Variants in GALK1 observed in about 807,000 individuals in gnomAD.
GALK1 encodes the protein galactokinase.
Under a neutral mutation model 38.6 loss-of-function variants are expected in GALK1, and 30 were observed. That is an observed-to-expected ratio of 0.78 (90% confidence interval 0.58 to 1.05). The LOEUF (loss-of-function observed/expected upper bound fraction) is 1.05. Among genes scored for constraint, GALK1 ranks in the 50% least tolerant of loss-of-function variants. GALK1 has a pLI of 0.00. For missense variants in GALK1, 512 were observed against 540.5 expected, an observed-to-expected ratio of 0.95 and a Z score of 0.52; for synonymous variants, 240 against 233.6, an observed-to-expected ratio of 1.03 and a Z score of -0.25.
downstream of GALK1, among the ~76,000 whole-genome samples, chr17:75,753,090 T>C (rs141859331): frequency 6.6e-6 from 1 of 152,244 alleles, no homozygotes; most frequent in Non-Finnish European, 1.5e-5. Flanking sequence ...GAATCACTCA[T>C]CCTTTCCATG....
intron 1 of GALK1, 45 bp from the exon 2 acceptor site, chr17:75,764,131 G>GT: frequency 1.3e-6 from 2 of 1,523,364 alleles, no homozygotes; most frequent in Non-Finnish European, 1.8e-6. Context: ...GCCAGCTGGA[G>GT]TAAGCCTCTC....
chr17:75,754,616 C>T (rs145760507), downstream of GALK1: 71 of 1,613,822 alleles, frequency 4.4e-5, no homozygotes, highest in Non-Finnish European at 5.6e-5. Context: ...CCTTCCCGGG[C>T]AGCACCAACT....
intron 5 of GALK1, among the ~76,000 whole-genome samples, chr17:75,760,494 T>C (rs571139781): frequency 1.3e-5 from 2 of 149,078 alleles, no homozygotes; most frequent in East Asian, 4.3e-4. Context: ...GTGTAGTGGC[T>C]CACGCCTGTG....
chr17:75,760,389 G>A (rs929019372), intron 5 of GALK1, among the ~76,000 whole-genome samples: 17 of 150,934 alleles, frequency 1.1e-4, no homozygotes, highest in African/African-American at 2.7e-4. Flanking sequence ...GTGAGCCACC[G>A]CACCCAGCCT....
At position 75,763,257 on chromosome 17, in the gene GALK1, G is replaced by A. The variant is rs2061595795; in HGVS notation, c.475+63C>T. ...ACCCCCTCCATAAGGCATAGTAGAAGCTGGGACCACCTGGAGACCTCAGGG... is the reference window on the plus strand; with the variant it reads ...ACCCCCTCCATAAGGCATAGTAGAAACTGGGACCACCTGGAGACCTCAGGG... On this transcript the variant is annotated intron_variant, in intron 3 of 7. Coordinates refer to ENST00000588479, the MANE Select transcript of GALK1 (RefSeq NM_000154.2). The A allele has an allele frequency of 3.1e-6, 5 of 1,613,032 alleles. No individual in the cohort carries two copies. In the Admixed American group the frequency reaches 6.7e-5, roughly 22 times the overall value.
At chr17:75,764,797 C>A in intron 1 of GALK1, 175 bp downstream of exon 1, 1 of 722,872 alleles carries the variant, frequency 1.4e-6, no homozygotes, top group Admixed American at 2.6e-5. Context: ...TTCCTCCCTT[C>A]CAACGTGGGG....
chr17:75,764,896 G>C (rs2061604109), intron 1 of GALK1, 76 bp downstream of exon 1: 3 of 1,502,054 alleles, frequency 2.0e-6, no homozygotes, highest in African/African-American at 2.8e-5. Flanking sequence ...CTCGCCCCCA[G>C]CGTCCCCGAG....
In GALK1 at chr17:75,758,375, G is replaced by A; in HGVS notation, c.945-3C>T. On this transcript the variant is annotated splice_region_variant and splice_polypyrimidine_tract_variant and intron_variant, in intron 6 of 7. Transcript: ENST00000588479. The stretch of plus-strand genomic sequence containing the variant: ...GGCAGCTCACCTCATAGTCGTCTCT[G>A]CAGAGAGGATATTGAAGGGGTGGGC... 1 of 1,587,706 alleles carries A rather than the reference G, an allele frequency of 6.3e-7. No individual in the cohort carries two copies. Among genetic ancestry groups the A allele is most frequent in the Non-Finnish European group, 8.6e-7 (1 of 1,167,716 alleles).
chr17:75,763,568 A>G (rs961407770), intron 2 of GALK1, 129 bp from the exon 3 acceptor site: 2 of 1,077,464 alleles, frequency 1.9e-6, no homozygotes, highest in Non-Finnish European at 2.7e-6. Context: ...CTCAATTGTC[A>G]GAAGCCACCA....
downstream of GALK1, chr17:75,757,592 C>T (rs1051554): frequency 3.1e-6 from 5 of 1,612,560 alleles, no homozygotes; most frequent in Middle Eastern, 1.6e-4. Context: ...TCCCACTAGG[C>T]GTCCTCCCGA....
chr17:75,757,686 G>A (rs1180305597), downstream of GALK1: 3 of 1,300,998 alleles, frequency 2.3e-6, no homozygotes, highest in East Asian at 4.7e-5. Flanking sequence ...CAGGGGCTAG[G>A]TGTCTCCTGG....
At chr17:75,756,469 C>G, downstream of GALK1, 1 of 1,613,372 alleles carries the variant, frequency 6.2e-7, no homozygotes, top group Non-Finnish European at 8.5e-7. Flanking sequence ...CTGCCCAGAC[C>G]TCGGTGGTGG....
intron 1 of GALK1, 26 bp downstream of exon 1, chr17:75,764,946 T>G: frequency 6.3e-7 from 1 of 1,597,562 alleles, no homozygotes; most frequent in Non-Finnish European, 8.5e-7. Flanking sequence ...GGCGGCGGGC[T>G]AGGGGCTCCC....
At chr17:75,757,347 G>C (rs781343909), downstream of GALK1, 2 of 1,612,684 alleles carry the variant, frequency 1.2e-6, no homozygotes, top group Admixed American at 3.3e-5. Context: ...GGCTCTCCTG[G>C]GACAGGGAGC....
rs1213596892 is a variant in GALK1, at chr17:75,763,122, T to C, written c.503A>G (p.Gln168Arg). 1 of 1,612,056 alleles carries C rather than the reference T, an allele frequency of 6.2e-7. No homozygotes were observed. The highest frequency in any genetic ancestry group is 1.1e-5 in the South Asian group (1 of 91,084). The change falls in exon 4 of 8, where the codon CAG (glutamine) becomes CGG (arginine). Residue 168 changes from glutamine to arginine, a missense_variant. Physicochemically the swap from Gln to Arg is conservative, Grantham distance 43. Coordinates refer to ENST00000588479, the MANE Select transcript of GALK1 (RefSeq NM_000154.2). ...PDSGTIAARA[Q>R]VCQQAEHSFA... ...GCTGTGCTCGGCCTGCTGACACACC[T>C]GGGCGCGGGCAGCTATTGTGCCCGA...
chr17:75,756,339 A>T, downstream of GALK1: 1 of 1,429,494 alleles, frequency 7.0e-7, no homozygotes, highest in Non-Finnish European at 9.8e-7. Context: ...GGTGATAACT[A>T]GGTCTCGATG....
chr17:75,762,589 G>T, intron 5 of GALK1, 115 bp downstream of exon 5: 1 of 1,112,962 alleles, frequency 9.0e-7, no homozygotes, highest in Non-Finnish European at 1.4e-6. Flanking sequence ...AAGGGACTGG[G>T]GAGAGCATGG....
chr17:75,764,772 C>T (rs1158357788), intron 1 of GALK1, 200 bp downstream of exon 1: 2 of 657,128 alleles, frequency 3.0e-6, no homozygotes, highest in Non-Finnish European at 5.3e-6. Flanking sequence ...CACCCTCTCC[C>T]GGCCACTTCC....
chr17:75,753,904 C>T, downstream of GALK1: 1 of 1,293,782 alleles, frequency 7.7e-7, no homozygotes, highest in Non-Finnish European at 9.7e-7. Context: ...CCCACGGGCC[C>T]CCGGACGACG....
Sources: gnomAD v4.1 joint callset for allele counts (sites outside exome capture counted in the v4.1 genomes callset) on GRCh38, gnomAD v4.1.1 for gene constraint, MANE v1.5 for transcripts, NCBI Gene and HGNC (gene_info 2026-07-23, HGNC 2026-07-21) for gene names.